Variants in PACSIN2 observed in about 807,000 individuals in gnomAD.
PACSIN2 encodes protein kinase C and casein kinase substrate in neurons protein 2.
A neutral mutation model predicts 63.8 loss-of-function variants in PACSIN2; 25 were observed. The ratio of observed to expected loss-of-function variants is 0.39; its 90% confidence interval spans 0.29 to 0.55. The LOEUF is 0.55. PACSIN2 is among the 20% of genes least tolerant of loss of function. The probability of loss-of-function intolerance (pLI) is 0.62; values close to 1 mark genes in which losing one functional copy is unlikely to be tolerated. For missense variants in PACSIN2, 518 were observed against 646.9 expected, an observed-to-expected ratio of 0.80 and a Z score of 2.16; for synonymous variants, 255 against 256.2, an observed-to-expected ratio of 1.00 and a Z score of 0.05.
intron 1 of PACSIN2, among the ~76,000 whole-genome samples, chr22:42,920,623 T>A (rs915312839): frequency 5.9e-5 from 9 of 151,890 alleles, no homozygotes; most frequent in Non-Finnish European, 1.2e-4. Context: ...CCGCCCATGG[T>A]GGAGGACGTG....
intron 1 of PACSIN2, among the ~76,000 whole-genome samples, chr22:42,922,454 G>A (rs1392186028): frequency 6.6e-6 from 1 of 152,212 alleles, no homozygotes. Flanking sequence ...AGCTGGCCTC[G>A]GGAGAAAGCC....
At position 42,939,477 on chromosome 22, in the gene PACSIN2, C is replaced by T. The variant is rs375311471; in HGVS notation, c.-77-27320G>A. Among the ~76,000 whole-genome samples, 10 of 152,332 alleles carry T rather than the reference C, an allele frequency of 6.6e-5. No individual in the cohort carries two copies. The East Asian group carries it at 1.2e-3, about 18-fold the overall frequency. ...TTGAAAGAAGAATGATTGGAAGTGA[C>T]GCAGTTAGAGCAGGCCTAACTGAAC... On this transcript the variant is annotated intron_variant, in intron 1 of 10. Transcript: ENST00000263246.
intron 10 of PACSIN2, among the ~76,000 whole-genome samples, chr22:42,874,868 T>TTTTG (rs3046487): frequency 6.8e-6 from 1 of 146,824 alleles, no homozygotes; most frequent in Non-Finnish European, 1.5e-5. Context: ...TTTTTTTTTT[T>TTTTG]GAAAAAGAGT....
chr22:42,907,580 C>T (rs1250365243), intron 2 of PACSIN2, among the ~76,000 whole-genome samples: 21 of 152,386 alleles, frequency 1.4e-4, no homozygotes. Context: ...GGCAGGCCAT[C>T]ACACGGAAAA....
At chr22:42,914,783 C>T (rs1931703163) in intron 1 of PACSIN2, among the ~76,000 whole-genome samples, 1 of 152,194 alleles carries the variant, frequency 6.6e-6, no homozygotes, top group Non-Finnish European at 1.5e-5. Context: ...ACCTGAGCCA[C>T]TTGGGCAGAG....
At chr22:42,963,484 TAGCAGGACTCAA>T (rs2146854422) in intron 1 of PACSIN2, among the ~76,000 whole-genome samples, 1 of 152,324 alleles carries the variant, frequency 6.6e-6, no homozygotes, top group Admixed American at 6.5e-5. Context: ...TTCATCAGCC[TAGCAGGACTCAA>T]AGACAGGACA....
At chr22:42,950,728 GA>G (rs1200210939) in intron 1 of PACSIN2, among the ~76,000 whole-genome samples, 2 of 152,148 alleles carry the variant, frequency 1.3e-5, no homozygotes, top group Non-Finnish European at 1.5e-5. Context: ...TAATTACCTA[GA>G]AAAAAAGTCC....
chr22:42,982,895 A>G (rs2146889205), intron 1 of PACSIN2, among the ~76,000 whole-genome samples: 1 of 121,988 alleles, frequency 8.2e-6, no homozygotes, highest in South Asian at 2.7e-4. Flanking sequence ...AAAAAACAAC[A>G]ACAAGGCTAG....
At chr22:42,899,503 C>G (rs981422563) in intron 2 of PACSIN2, among the ~76,000 whole-genome samples, 1 of 152,172 alleles carries the variant, frequency 6.6e-6, no homozygotes, top group African/African-American at 2.4e-5. Flanking sequence ...CAAGGCAGCT[C>G]TACGCCTGTG....
intron 1 of PACSIN2, among the ~76,000 whole-genome samples, chr22:43,010,919 G>A (rs1924447905): frequency 6.6e-6 from 1 of 152,196 alleles, no homozygotes; most frequent in Non-Finnish European, 1.5e-5. Context: ...GTCAAAACTT[G>A]TGCTCTTTGG....
chr22:42,873,091 T>C (rs1183322483), intron 10 of PACSIN2, among the ~76,000 whole-genome samples: 2 of 152,222 alleles, frequency 1.3e-5, no homozygotes, highest in Non-Finnish European at 2.9e-5. Flanking sequence ...AATTTTGCAT[T>C]GTTAAAAAGC....
chr22:42,886,856 C>T (rs975095152), intron 5 of PACSIN2, among the ~76,000 whole-genome samples: 10 of 152,226 alleles, frequency 6.6e-5, no homozygotes, highest in African/African-American at 1.2e-4. Context: ...TCCTGCCAGG[C>T]GCTTATGTCC....
intron 1 of PACSIN2, among the ~76,000 whole-genome samples, chr22:42,966,692 T>C (rs1433323120): frequency 1.3e-5 from 2 of 152,168 alleles, no homozygotes; most frequent in Non-Finnish European, 2.9e-5. Flanking sequence ...AATCCCCAAA[T>C]GCCACAGAAG....
At chr22:42,946,256 C>T (rs1933415314) in intron 1 of PACSIN2, among the ~76,000 whole-genome samples, 1 of 152,166 alleles carries the variant, frequency 6.6e-6, no homozygotes, top group Non-Finnish European at 1.5e-5. Context: ...GTAGGGTCTC[C>T]AGAAGTATGG....
intron 2 of PACSIN2, among the ~76,000 whole-genome samples, chr22:42,907,486 C>T (rs1019771394): frequency 6.6e-6 from 1 of 152,230 alleles, no homozygotes; most frequent in Non-Finnish European, 1.5e-5. Flanking sequence ...TATGTGAGCA[C>T]GGTGGGGTGA....
intron 1 of PACSIN2, among the ~76,000 whole-genome samples, chr22:42,940,386 G>C (rs890283164): frequency 6.6e-6 from 1 of 152,206 alleles, no homozygotes; most frequent in African/African-American, 2.4e-5. Flanking sequence ...GGGTCAGCAT[G>C]TGTTTGCTGA....
intron 1 of PACSIN2, among the ~76,000 whole-genome samples, chr22:42,952,727 A>G (rs928711037): frequency 1.3e-5 from 2 of 148,786 alleles, no homozygotes; most frequent in Non-Finnish European, 3.0e-5. Flanking sequence ...CAGTGGAGCG[A>G]TCTCGGCTCA....
intron 1 of PACSIN2, among the ~76,000 whole-genome samples, chr22:42,994,739 G>A (rs548014023): frequency 1.3e-5 from 2 of 152,290 alleles, no homozygotes; most frequent in East Asian, 1.9e-4. Context: ...CTGGAAAAAG[G>A]GCCCCGGGCA....
chr22:42,972,828 C>T (rs1244269586), intron 1 of PACSIN2, among the ~76,000 whole-genome samples: 1 of 152,142 alleles, frequency 6.6e-6, no homozygotes, highest in Admixed American at 6.5e-5. Flanking sequence ...TCCTGTGTAC[C>T]TGGATTACAG....
Sources: gnomAD v4.1 joint callset for allele counts (sites outside exome capture counted in the v4.1 genomes callset) on GRCh38, gnomAD v4.1.1 for gene constraint, MANE v1.5 for transcripts, NCBI Gene and HGNC (gene_info 2026-07-23, HGNC 2026-07-21) for gene names.